TJP1: variants seen among roughly 807,000 people sequenced by gnomAD.
The protein encoded by TJP1 is tight junction protein 1.
TJP1 carries 43 observed loss-of-function variants against 194.2 expected under a neutral mutation model. That is an observed-to-expected ratio of 0.22 (90% CI 0.17 to 0.29). TJP1 has a LOEUF of 0.29. Ranked by LOEUF, TJP1 falls within the 10% of genes least tolerant of loss-of-function variation. The probability of loss-of-function intolerance (pLI) is 1.00; values close to 1 mark genes in which losing one functional copy is unlikely to be tolerated. For missense variants in TJP1, 1,971 were observed against 2,185.7 expected (o/e 0.90, Z 1.96); for synonymous variants, 801 against 779.0 (o/e 1.03, Z -0.47).
chr15:29,927,242 C>T lies in TJP1; in HGVS notation c.306+28990G>A, dbSNP rs144059192. Among the ~76,000 whole-genome samples the T allele has an allele frequency of 2.9e-3, 434 of 152,232 alleles. 2 individuals are homozygous for T. Among genetic ancestry groups the T allele is most frequent in the Non-Finnish European group, 4.1e-3 (281 of 68,014 alleles). On this transcript the variant is annotated intron_variant, in intron 2 of 28. Coordinates refer to the TJP1 transcript ENST00000356107. Reference sequence around the variant, plus strand: ...GGCTGAGGCAGGAGAATCGTTTGAACCTGGGAGGCAGAGGTTGCAGTGAGC... The same window carrying T: ...GGCTGAGGCAGGAGAATCGTTTGAATCTGGGAGGCAGAGGTTGCAGTGAGC...
intron 4 of TJP1, among the ~76,000 whole-genome samples, chr15:29,770,019 C>T (rs2046558677): frequency 1.3e-5 from 2 of 151,928 alleles, no homozygotes; most frequent in Non-Finnish European, 2.9e-5. Context: ...TGTTACTGCC[C>T]CTGAAGACCT....
intron 2 of TJP1, among the ~76,000 whole-genome samples, chr15:29,918,139 G>A (rs2054244346): frequency 6.6e-6 from 1 of 152,182 alleles, no homozygotes; most frequent in Non-Finnish European, 1.5e-5. Flanking sequence ...GTCCATCCAT[G>A]TTGTAGCATG....
At chr15:29,934,909 T>C (rs1379395721) in intron 2 of TJP1, among the ~76,000 whole-genome samples, 2 of 152,212 alleles carry the variant, frequency 1.3e-5, no homozygotes, top group African/African-American at 4.8e-5. Context: ...ACAATTTCAG[T>C]TCCTGAAATA....
chr15:29,838,572 G>A (rs1299881759), intron 2 of TJP1, among the ~76,000 whole-genome samples: 3 of 151,848 alleles, frequency 2.0e-5, no homozygotes, highest in South Asian at 4.2e-4. Context: ...TTCCAAACAT[G>A]TTATTCAGAT....
chr15:29,951,800 T>G (rs919761404), intron 2 of TJP1, among the ~76,000 whole-genome samples: 11 of 152,202 alleles, frequency 7.2e-5, no homozygotes. Context: ...TTTGTAGTAT[T>G]TTTCTGTTGG....
intron 10 of TJP1, among the ~76,000 whole-genome samples, chr15:29,739,677 C>G (rs907026456): frequency 6.6e-6 from 1 of 152,028 alleles, no homozygotes; most frequent in African/African-American, 2.4e-5. Context: ...AATCTCCTGA[C>G]CTGGTGATCT....
intron 4 of TJP1, among the ~76,000 whole-genome samples, chr15:29,767,404 A>T (rs191944036): frequency 2.0e-4 from 31 of 152,064 alleles, no homozygotes; most frequent in African/African-American, 7.0e-4. Context: ...TCACTATCTT[A>T]TTTCCAATTC....
intron 2 of TJP1, among the ~76,000 whole-genome samples, chr15:29,835,650 C>CA (rs11438507): frequency 0.78 from 115,115 of 148,494 alleles, 44,895 homozygotes; most frequent in East Asian, 0.87. Context: ...ACCCTAGCTG[C>CA]AAAAAAAAAA....
At chr15:29,961,334 CTTTTTTT>C (rs5811594) in intron 1 of TJP1, among the ~76,000 whole-genome samples, 1 of 89,818 alleles carries the variant, frequency 1.1e-5, no homozygotes, top group Non-Finnish European at 1.9e-5. Flanking sequence ...TTTCCTAATT[CTTTTTTT>C]TTTTTTTTTT....
At chr15:29,930,390 A>G (rs2054667999) in intron 2 of TJP1, among the ~76,000 whole-genome samples, 1 of 152,252 alleles carries the variant, frequency 6.6e-6, no homozygotes, top group Non-Finnish European at 1.5e-5. Flanking sequence ...AGTACAAGTT[A>G]TCCAAGTAAC....
At chr15:29,765,725 C>A (rs955263174) in intron 5 of TJP1, among the ~76,000 whole-genome samples, 9 of 152,076 alleles carry the variant, frequency 5.9e-5, no homozygotes, top group Non-Finnish European at 1.2e-4. Context: ...AACCCTGTCT[C>A]TACCCAAAAT....
intron 2 of TJP1, among the ~76,000 whole-genome samples, chr15:29,794,503 G>A (rs980541730): frequency 3.9e-5 from 6 of 152,142 alleles, no homozygotes; most frequent in South Asian, 2.1e-4. Flanking sequence ...TTACCACAAT[G>A]AATTGGTATG....
At chr15:29,949,698 C>T (rs1433788836) in intron 2 of TJP1, among the ~76,000 whole-genome samples, 4 of 126,570 alleles carry the variant, frequency 3.2e-5, no homozygotes, top group African/African-American at 8.4e-5. Context: ...ACCACCTCCA[C>T]CACCACCACC....
intron 24 of TJP1, 100 bp from the exon 25 acceptor site, chr15:29,709,136 G>A (rs763921533): frequency 1.7e-6 from 2 of 1,150,688 alleles, no homozygotes; most frequent in Non-Finnish European, 1.2e-6. Context: ...AGGCCCAAAT[G>A]TGGGTCGCAC....
At chr15:29,714,490 G>A (rs1215157920) in intron 23 of TJP1, among the ~76,000 whole-genome samples, 16 of 150,110 alleles carry the variant, frequency 1.1e-4, no homozygotes, top group South Asian at 2.1e-4. Flanking sequence ...CACCCACCTC[G>A]GCCTCCCAAA....
chr15:29,932,846 C>T (rs2054763607), intron 2 of TJP1, among the ~76,000 whole-genome samples: 1 of 152,042 alleles, frequency 6.6e-6, no homozygotes, highest in South Asian at 2.1e-4. Context: ...TGAAAATATT[C>T]TTTTCCTTAT....
intron 2 of TJP1, among the ~76,000 whole-genome samples, chr15:29,854,149 T>C (rs182452638): frequency 6.6e-5 from 10 of 152,238 alleles, no homozygotes; most frequent in African/African-American, 2.4e-4. Context: ...GTGCAAAATG[T>C]AATATTTTAT....
chr15:29,734,486 A>AAC, intron 11 of TJP1, 104 bp from the exon 12 acceptor site: 2 of 750,692 alleles, frequency 2.7e-6, no homozygotes, highest in Non-Finnish European at 3.9e-6. Context: ...AAAATATCAC[A>AAC]TCTTTTTTTT....
At position 29,718,635 on chromosome 15, in the gene TJP1, A is replaced by G; in HGVS notation, c.3507T>C (p.Gly1169=). 6.2e-7 allele frequency: 1 copy of G among 1,614,148 alleles called. No homozygotes were observed. The highest frequency in any genetic ancestry group is 2.2e-5 in the East Asian group (1 of 44,864). Residue 1169 remains glycine, a synonymous_variant, in exon 21 of 28, where the codon GGT becomes GGC. Transcript: ENST00000614355. ...GGGGCTGGGCTTCCGGTCTGAGTCT[A>G]CCATGTGTGTCATACCCAGGAGCTG... ...EQPAPGYDTH[G]RLRPEAQPHP...
Sources: gnomAD v4.1 joint callset for allele counts (sites outside exome capture counted in the v4.1 genomes callset) on GRCh38, gnomAD v4.1.1 for gene constraint, MANE v1.5 for transcripts, NCBI Gene and HGNC (gene_info 2026-07-23, HGNC 2026-07-21) for gene names.